Variants in PTPRD observed in about 807,000 individuals in gnomAD.
The protein encoded by PTPRD is receptor-type tyrosine-protein phosphatase delta.
Under a neutral mutation model 214.5 loss-of-function variants are expected in PTPRD, and 34 were observed. That is an observed-to-expected ratio of 0.16 (90% CI 0.12 to 0.21). PTPRD has a LOEUF of 0.21. PTPRD is among the 10% of genes least tolerant of loss of function. The pLI, the probability that PTPRD is intolerant of heterozygous loss-of-function variation, is 1.00. For missense variants in PTPRD, 2,545 were observed against 2,398.7 expected, an observed-to-expected ratio of 1.06 and a Z score of -1.27; for synonymous variants, 1,128 against 845.7, an observed-to-expected ratio of 1.33 and a Z score of -5.79.
At chr9:9,919,799 G>A (rs76311415) in intron 5 of PTPRD, among the ~76,000 whole-genome samples, 26 of 152,166 alleles carry the variant, frequency 1.7e-4, no homozygotes, top group African/African-American at 3.9e-4. Flanking sequence ...CTCAGTCTTC[G>A]TTACTGCAGC....
At chr9:9,993,015 T>A (rs899161099) in intron 4 of PTPRD, among the ~76,000 whole-genome samples, 9 of 151,736 alleles carry the variant, frequency 5.9e-5, no homozygotes, top group Admixed American at 5.9e-4. Flanking sequence ...TAGATGCCAA[T>A]GTGAACTTTC....
chr9:9,239,949 T>C (rs2099969539), intron 9 of PTPRD, among the ~76,000 whole-genome samples: 1 of 152,182 alleles, frequency 6.6e-6, no homozygotes, highest in South Asian at 2.1e-4. Context: ...TTGAGGACCA[T>C]AACTATGTTC....
At chr9:9,817,475 CA>C (rs1266001427) in intron 5 of PTPRD, among the ~76,000 whole-genome samples, 1 of 152,084 alleles carries the variant, frequency 6.6e-6, no homozygotes, top group Admixed American at 6.6e-5. Context: ...ACTAACTACT[CA>C]AAAATTGCTT....
At chr9:8,804,493 G>A (rs1406807282) in intron 11 of PTPRD, among the ~76,000 whole-genome samples, 2 of 152,004 alleles carry the variant, frequency 1.3e-5, no homozygotes, top group African/African-American at 4.8e-5. Flanking sequence ...AATTACCTGG[G>A]AGGCTGGGAC....
At chr9:10,411,989 G>C (rs376767626) in intron 2 of PTPRD, among the ~76,000 whole-genome samples, 15 of 151,742 alleles carry the variant, frequency 9.9e-5, no homozygotes, top group African/African-American at 2.9e-4. Context: ...TTCAAAATTA[G>C]CATGCATTTA....
At chr9:10,230,532 C>G (rs1350084575) in intron 3 of PTPRD, among the ~76,000 whole-genome samples, 1 of 151,720 alleles carries the variant, frequency 6.6e-6, no homozygotes, top group East Asian at 2.0e-4. Context: ...GCACTGAGAT[C>G]AGGGAAATGT....
At chr9:10,268,000 G>A (rs1286091632) in intron 3 of PTPRD, among the ~76,000 whole-genome samples, 1 of 151,984 alleles carries the variant, frequency 6.6e-6, no homozygotes, top group Non-Finnish European at 1.5e-5. Context: ...GTGATTAACA[G>A]CCAGGTGTGG....
At chr9:9,035,659 G>C (rs1217529594) in intron 10 of PTPRD, among the ~76,000 whole-genome samples, 1 of 151,998 alleles carries the variant, frequency 6.6e-6, no homozygotes, top group Non-Finnish European at 1.5e-5. Context: ...ATGCCCAATG[G>C]TGCTGTCAAG....
chr9:8,486,201 C>G lies in PTPRD; in HGVS notation c.2616G>C (p.Glu872Asp). The change falls in exon 28 of 46, where the codon GAG becomes GAC. Residue 872 changes from glutamate to aspartate, a missense_variant. Physicochemically the swap from Glu to Asp is conservative, Grantham distance 45. Transcript: ENST00000381196. Reference protein sequence around the residue: ...RKDMEPLTTLEFSEKEDHFTA... With the variant: ...RKDMEPLTTLDFSEKEDHFTA... ...TAAAGTGATCTTCTTTTTCAGAGAA[C>G]TCAAGAGTAGTAAGTGGCTCCATAT... is the stretch of plus-strand genomic sequence containing the variant. 6.2e-7 allele frequency: 1 copy of G among 1,614,182 alleles called. No homozygotes were observed. The highest frequency in any genetic ancestry group is 8.5e-7 in the Non-Finnish European group (1 of 1,180,024).
chr9:9,969,890 T>C (rs948625380), intron 4 of PTPRD, among the ~76,000 whole-genome samples: 2 of 152,172 alleles, frequency 1.3e-5, no homozygotes, highest in African/African-American at 4.8e-5. Context: ...TGTATACATT[T>C]TTCTCCTGGC....
chr9:8,714,924 A>C lies in PTPRD; in HGVS notation c.64+18856T>G, dbSNP rs145298534. Among the ~76,000 whole-genome samples, 429 of 152,176 alleles carry C rather than the reference A, an allele frequency of 2.8e-3. 2 individuals are homozygous for C. The highest frequency in any genetic ancestry group is 9.7e-3 in the African/African-American group (403 of 41,518). On this transcript the variant is annotated intron_variant, in intron 12 of 45. Coordinates refer to ENST00000381196, the MANE Select transcript of PTPRD (RefSeq NM_002839.4). ...ATTTCATAATTTAGAGCCCCCTAGA[A>C]TGCGACCTTAATGGTGCAAGATTTT... is the stretch of plus-strand genomic sequence containing the variant.
rs377476324 is a variant in PTPRD, at chr9:10,517,637, G to C, written c.-600+94761C>G. Among the ~76,000 whole-genome samples, 77 of 151,964 alleles carry C rather than the reference G, an allele frequency of 5.1e-4. 3 individuals carry two copies. In the South Asian group the frequency reaches 0.016, roughly 31 times the overall value. ...ATATATGAATGTATCAATATCTATAGTTATAGCTGTCTATATACATATATA... is the reference window on the plus strand; with the variant it reads ...ATATATGAATGTATCAATATCTATACTTATAGCTGTCTATATACATATATA... On this transcript the variant is annotated intron_variant, in intron 2 of 45. Transcript: ENST00000381196.
chr9:9,127,884 A>G (rs991306947), intron 10 of PTPRD, among the ~76,000 whole-genome samples: 3 of 152,194 alleles, frequency 2.0e-5, no homozygotes, highest in African/African-American at 7.2e-5. Context: ...AATTTCGTAT[A>G]TCTTCTAACT....
chr9:9,629,574 C>A (rs1306650069), intron 7 of PTPRD, among the ~76,000 whole-genome samples: 1 of 152,028 alleles, frequency 6.6e-6, no homozygotes, highest in Non-Finnish European at 1.5e-5. Flanking sequence ...ATTCCAAGAC[C>A]CACCAGCCCT....
In PTPRD at chr9:10,509,149, T is replaced by G. The variant is rs138896021; in HGVS notation, c.-600+103249A>C. Among the ~76,000 whole-genome samples, 672 of 152,162 alleles carry G rather than the reference T, an allele frequency of 4.4e-3. 6 individuals carry two copies. The highest frequency in any genetic ancestry group is 0.015 in the African/African-American group (640 of 41,516). ...GCACATATTATATATGCAGGTAAAC[T>G]TTGACCTACTTATATGAAGATCCAT... is the stretch of plus-strand genomic sequence containing the variant. On this transcript the variant is annotated intron_variant, in intron 2 of 45. Transcript: ENST00000381196.
At chr9:8,886,130 GA>G (rs2098485442) in intron 11 of PTPRD, among the ~76,000 whole-genome samples, 1 of 152,156 alleles carries the variant, frequency 6.6e-6, no homozygotes, top group African/African-American at 2.4e-5. Flanking sequence ...AAAACGAAAT[GA>G]AAAACTTAAG....
At chr9:8,550,748 G>A (rs556370375) in intron 14 of PTPRD, among the ~76,000 whole-genome samples, 3 of 152,254 alleles carry the variant, frequency 2.0e-5, no homozygotes, top group East Asian at 1.9e-4. Flanking sequence ...TAGATCCATT[G>A]GCCCTATAGT....
rs76158214 is a variant in PTPRD at position 10,294,034 on chromosome 9, A to T, written c.-545+46929T>A. ...GCATATTCTGTAATAAACATTGAGCATGACAAGTGTCCAGGAATCTACAAA... is the reference window on the plus strand; with the variant it reads ...GCATATTCTGTAATAAACATTGAGCTTGACAAGTGTCCAGGAATCTACAAA... On this transcript the variant is annotated intron_variant, in intron 3 of 45. Transcript: ENST00000381196. Among the ~76,000 whole-genome samples, 803 of 152,114 alleles carry T rather than the reference A, an allele frequency of 5.3e-3. 8 individuals carry two copies. Among genetic ancestry groups the T allele is most frequent in the African/African-American group, 0.018 (758 of 41,542 alleles).
intron 2 of PTPRD, among the ~76,000 whole-genome samples, chr9:10,416,595 CA>C (rs896471209): frequency 7.3e-5 from 11 of 151,624 alleles, no homozygotes; most frequent in African/African-American, 2.7e-4. Context: ...TGAAAATTGT[CA>C]AATATAAGTT....
Sources: allele counts gnomAD v4.1 joint callset (sites outside exome capture counted in the v4.1 genomes callset), GRCh38; gene constraint gnomAD v4.1.1; transcripts MANE v1.5; gene names NCBI Gene and HGNC (gene_info 2026-07-23, HGNC 2026-07-21).